Variants in KCNIP4 observed in about 807,000 individuals in gnomAD.
The protein encoded by KCNIP4 is potassium voltage-gated channel interacting protein 4, also known as Kv channel-interacting protein 4.
Under a neutral mutation model 34.0 loss-of-function variants are expected in KCNIP4, and 12 were observed. The ratio of observed to expected loss-of-function variants is 0.35; its 90% confidence interval spans 0.23 to 0.57. The LOEUF (loss-of-function observed/expected upper bound fraction) is 0.57. Ranked by LOEUF, KCNIP4 falls within the 20% of genes least tolerant of loss-of-function variation. The probability of loss-of-function intolerance (pLI) is 0.83; values close to 1 mark genes in which losing one functional copy is unlikely to be tolerated. For missense variants in KCNIP4, 238 were observed against 311.7 expected, an observed-to-expected ratio of 0.76 and a Z score of 1.78; for synonymous variants, 124 against 102.2, an observed-to-expected ratio of 1.21 and a Z score of -1.29.
At chr4:21,253,618 ATCTT>A (rs1297105048) in intron 1 of KCNIP4, among the ~76,000 whole-genome samples, 7 of 152,186 alleles carry the variant, frequency 4.6e-5, no homozygotes, top group African/African-American at 1.7e-4. Context: ...AGCCATTCAA[ATCTT>A]TCTTCGATAC....
At chr4:21,266,833 TG>T (rs1425195816) in intron 1 of KCNIP4, among the ~76,000 whole-genome samples, 1 of 151,648 alleles carries the variant, frequency 6.6e-6, no homozygotes, top group Non-Finnish European at 1.5e-5. Flanking sequence ...TAGGGGAGAG[TG>T]ATGCAATCAT....
chr4:21,298,141 C>T lies in KCNIP4; in HGVS notation c.62-415432G>A, dbSNP rs978123623. On this transcript the variant is annotated intron_variant, in intron 1 of 8. Coordinates refer to ENST00000382152, the MANE Select transcript of KCNIP4 (RefSeq NM_025221.6). ...ATTCCAAGGCGAGGCATATGCAACACTTTTTTTCATCCTCTTTGTCTTATA... is the reference window on the plus strand; with the variant it reads ...ATTCCAAGGCGAGGCATATGCAACATTTTTTTTCATCCTCTTTGTCTTATA... 4.6e-5 allele frequency among the ~76,000 whole-genome samples: 7 copies of T among 152,226 alleles called. No homozygotes were observed. In the South Asian group the frequency reaches 8.3e-4, roughly 18 times the overall value.
At chr4:20,944,348 T>G (rs1275181073) in intron 1 of KCNIP4, among the ~76,000 whole-genome samples, 1 of 151,836 alleles carries the variant, frequency 6.6e-6, no homozygotes, top group Non-Finnish European at 1.5e-5. Flanking sequence ...GGGACTGGAG[T>G]TGCATTTCCA....
rs571963916 is a variant in KCNIP4, at chr4:20,783,989, C to G, written c.289-25099G>C. ...GGAAAAATGGCAGGCCTGGTTCCTG[C>G]CCCTACCCTTTGGTTCCTGTCAGGG... On this transcript the variant is annotated intron_variant, in intron 3 of 8. Coordinates refer to ENST00000382152, the MANE Select transcript of KCNIP4 (RefSeq NM_025221.6). 4.6e-5 allele frequency among the ~76,000 whole-genome samples: 7 copies of G among 152,164 alleles called. No homozygotes were observed. The South Asian group carries it at 1.5e-3, about 32-fold the overall frequency.
At chr4:21,341,877 C>A (rs920692374) in intron 1 of KCNIP4, among the ~76,000 whole-genome samples, 1 of 152,186 alleles carries the variant, frequency 6.6e-6, no homozygotes, top group African/African-American at 2.4e-5. Flanking sequence ...ATATCTTCAA[C>A]TGCTTTCCGT....
intron 1 of KCNIP4, among the ~76,000 whole-genome samples, chr4:21,148,743 T>A (rs185444387): frequency 6.7e-5 from 10 of 150,034 alleles, no homozygotes; most frequent in Admixed American, 6.6e-4. Context: ...AAGTGACAAA[T>A]CACAGCAAAT....
chr4:21,218,644 A>G (rs1158520433), intron 1 of KCNIP4, among the ~76,000 whole-genome samples: 1 of 152,188 alleles, frequency 6.6e-6, no homozygotes, highest in African/African-American at 2.4e-5. Flanking sequence ...ATCTGCTCAG[A>G]AAAAGGCACA....
chr4:21,091,601 T>C (rs1487979493), intron 1 of KCNIP4, among the ~76,000 whole-genome samples: 2 of 152,170 alleles, frequency 1.3e-5, no homozygotes, highest in African/African-American at 4.8e-5. Flanking sequence ...TATAACAAAA[T>C]ACCATAGACT....
Position 21,320,964 on chromosome 4 carries a change from T to TAAAAAAAAAAAAAAAAA in KCNIP4, c.62-438272_62-438256dup, listed in dbSNP as rs528123961. On this transcript the variant is annotated intron_variant, in intron 1 of 8. Transcript: ENST00000382152. ...TGGGCAATAGAGCAAGAATCTGTCTTAAAAAAAAAAAAAAAAAAGAGGAAA... is the reference window on the plus strand; with the variant it reads ...TGGGCAATAGAGCAAGAATCTGTCTTAAAAAAAAAAAAAAAAAAAAAAAAAAAAAAAAAAAGAGGAAA... Among the ~76,000 whole-genome samples, 90 of 102,860 alleles carry TAAAAAAAAAAAAAAAAA rather than the reference T, an allele frequency of 8.7e-4. 2 individuals are homozygous for TAAAAAAAAAAAAAAAAA. Among genetic ancestry groups the TAAAAAAAAAAAAAAAAA allele is most frequent in the African/African-American group, 3.2e-3 (70 of 21,782 alleles). 67.5% of individuals were successfully genotyped at this position (102,860 alleles called of 152,430 possible). A position where few individuals can be genotyped will look rare whatever the true frequency, so the allele number is the denominator to read the frequency against.
At chr4:20,860,204 A>G (rs565432314) in intron 2 of KCNIP4, among the ~76,000 whole-genome samples, 5 of 151,812 alleles carry the variant, frequency 3.3e-5, no homozygotes, top group Middle Eastern at 6.8e-3. Flanking sequence ...CAGTGGTGCA[A>G]TCTTGACTCA....
intron 1 of KCNIP4, among the ~76,000 whole-genome samples, chr4:21,049,028 GCAAGCTC>G (rs1002229106): frequency 2.2e-5 from 3 of 138,936 alleles, no homozygotes; most frequent in African/African-American, 8.3e-5. Flanking sequence ...TCGGCTCACT[GCAAGCTC>G]CGCCTCCCGG....
intron 1 of KCNIP4, among the ~76,000 whole-genome samples, chr4:20,999,721 G>C (rs1484662046): frequency 6.6e-6 from 1 of 151,942 alleles, no homozygotes; most frequent in East Asian, 1.9e-4. Context: ...TATAGATATT[G>C]AAAACCAATG....
At chr4:21,519,770 TAC>T (rs1214350665) in intron 1 of KCNIP4, among the ~76,000 whole-genome samples, 12 of 142,120 alleles carry the variant, frequency 8.4e-5, no homozygotes, top group African/African-American at 2.6e-4. Flanking sequence ...TATGTGTGTA[TAC>T]ACACGTGTGT....
chr4:21,307,979 G>C (rs1168875991), intron 1 of KCNIP4, among the ~76,000 whole-genome samples: 1 of 152,182 alleles, frequency 6.6e-6, no homozygotes, highest in Admixed American at 6.5e-5. Flanking sequence ...AAGTACCTTG[G>C]ATAGCATCCA....
intron 1 of KCNIP4, among the ~76,000 whole-genome samples, chr4:21,127,481 CTTGT>C (rs1750720195): frequency 6.6e-6 from 1 of 152,132 alleles, no homozygotes; most frequent in Non-Finnish European, 1.5e-5. Flanking sequence ...TATTTATTAA[CTTGT>C]TTATCATCTG....
At chr4:21,420,175 C>T (rs1261681082) in intron 1 of KCNIP4, among the ~76,000 whole-genome samples, 3 of 152,130 alleles carry the variant, frequency 2.0e-5, no homozygotes, top group Non-Finnish European at 4.4e-5. Flanking sequence ...AAAATATTAG[C>T]ATTACTAAGG....
intron 1 of KCNIP4, among the ~76,000 whole-genome samples, chr4:21,589,328 G>GTATATATATACATGTGTA (rs1577651357): frequency 4.2e-5 from 6 of 142,740 alleles, no homozygotes; most frequent in Admixed American, 4.2e-4. Context: ...ACATATACAC[G>GTATATATATACATGTGTA]TGTATATATA....
intron 2 of KCNIP4, among the ~76,000 whole-genome samples, chr4:20,853,367 G>A (rs576281955): frequency 6.6e-6 from 1 of 152,226 alleles, no homozygotes; most frequent in African/African-American, 2.4e-5. Context: ...CTTTGACAAA[G>A]CAAACAAAAA....
chr4:21,862,944 G>A (rs565845537), intron 1 of KCNIP4, among the ~76,000 whole-genome samples: 80 of 144,578 alleles, frequency 5.5e-4, no homozygotes, highest in African/African-American at 1.6e-3. Flanking sequence ...CTGGGTGACC[G>A]AGTGAGACTC....
Sources: allele counts gnomAD v4.1 joint callset (sites outside exome capture counted in the v4.1 genomes callset), GRCh38; gene constraint gnomAD v4.1.1; transcripts MANE v1.5; gene names NCBI Gene and HGNC (gene_info 2026-07-23, HGNC 2026-07-21).